Variants in USP10 observed in about 807,000 individuals in gnomAD.
The protein encoded by USP10 is ubiquitin specific peptidase 10, also known as ubiquitin carboxyl-terminal hydrolase 10.
In USP10, 22 loss-of-function variants were observed where a neutral mutation model predicts 84.5. That is an observed-to-expected ratio of 0.26 (90% CI 0.19 to 0.37). The LOEUF is 0.37. Ranked by LOEUF, USP10 falls within the 10% of genes least tolerant of loss-of-function variation. The probability of loss-of-function intolerance (pLI) is 1.00; values close to 1 mark genes in which losing one functional copy is unlikely to be tolerated. For synonymous variants in USP10, 454 were observed against 387.6 expected, an observed-to-expected ratio of 1.17 and a Z score of -2.01; for missense variants, 1,019 against 998.9, an observed-to-expected ratio of 1.02 and a Z score of -0.27.
chr16:84,771,639 C>A (rs1445713160), intron 11 of USP10, among the ~76,000 whole-genome samples: 1 of 152,186 alleles, frequency 6.6e-6, no homozygotes, highest in East Asian at 1.9e-4. Context: ...GAGGCTGAGG[C>A]AGGTGGATCA....
chr16:84,718,211 G>GC (rs1907306016), intron 1 of USP10, among the ~76,000 whole-genome samples: 1 of 152,154 alleles, frequency 6.6e-6, no homozygotes, highest in Non-Finnish European at 1.5e-5. Context: ...AATTACAAAA[G>GC]AAATGTCTTT....
At chr16:84,751,531 C>T (rs918169923) in intron 4 of USP10, among the ~76,000 whole-genome samples, 2 of 152,206 alleles carry the variant, frequency 1.3e-5, no homozygotes, top group African/African-American at 4.8e-5. Flanking sequence ...TAGTCCACAT[C>T]TGATTCGATG....
intron 9 of USP10, among the ~76,000 whole-genome samples, chr16:84,763,618 C>T (rs1013784146): frequency 2.4e-4 from 36 of 152,224 alleles, no homozygotes; most frequent in African/African-American, 8.4e-4. Flanking sequence ...CTTCAAATTT[C>T]GCCAGTTGTC....
At chr16:84,756,419 C>T (rs562090616) in intron 4 of USP10, among the ~76,000 whole-genome samples, 1 of 152,108 alleles carries the variant, frequency 6.6e-6, no homozygotes, top group Admixed American at 6.5e-5. Flanking sequence ...ATGGTGAAAT[C>T]CTGTCTCTCC....
chr16:84,705,020 G>A (rs1247755747), intron 1 of USP10, among the ~76,000 whole-genome samples: 2 of 152,226 alleles, frequency 1.3e-5, no homozygotes, highest in African/African-American at 4.8e-5. Context: ...GCTCCTAAGA[G>A]TCCTCAGTCT....
rs775216968 is a variant in USP10 at position 84,745,463 on chromosome 16, G to A, written c.982G>A (p.Gly328Ser). Residue 328 changes from glycine to serine, a missense_variant, in exon 4 of 14, where the codon GGC becomes AGC. This residue lies in a region of USP10 where 787 missense variants were observed against 708.8 expected (regional missense o/e 1.11). Transcript: ENST00000219473. ...TGCATCACCTCCTGCTGACGGCACG[G>A]GCTCTGCATCAGGCACCCTTCCTGT... ...ESASPPADGT[G>S]SASGTLPVSQ... The A allele has an allele frequency of 6.2e-7, 1 of 1,613,510 alleles. No homozygotes were observed. The highest frequency in any genetic ancestry group is 8.5e-7 in the Non-Finnish European group (1 of 1,179,642).
At chr16:84,755,671 A>G (rs1057371207) in intron 4 of USP10, among the ~76,000 whole-genome samples, 1 of 151,932 alleles carries the variant, frequency 6.6e-6, no homozygotes, top group East Asian at 1.9e-4. Flanking sequence ...GGTGGCACAC[A>G]TCTGTAGTCC....
At chr16:84,731,774 C>G (rs1047867858) in intron 1 of USP10, among the ~76,000 whole-genome samples, 4 of 138,826 alleles carry the variant, frequency 2.9e-5, no homozygotes, top group Admixed American at 1.4e-4. Flanking sequence ...TCTCTGATAG[C>G]TCTTTTTTTT....
At chr16:84,767,126 C>A (rs1913951576) in intron 10 of USP10, among the ~76,000 whole-genome samples, 1 of 151,998 alleles carries the variant, frequency 6.6e-6, no homozygotes, top group South Asian at 2.1e-4. Flanking sequence ...CGTAATTAAA[C>A]CCTGGACAGA....
At chr16:84,718,117 A>G (rs1907292700) in intron 1 of USP10, among the ~76,000 whole-genome samples, 1 of 152,202 alleles carries the variant, frequency 6.6e-6, no homozygotes, top group East Asian at 1.9e-4. Flanking sequence ...AAAATCTTGG[A>G]TTGGAAGGTT....
intron 3 of USP10, among the ~76,000 whole-genome samples, chr16:84,743,437 TA>T (rs1453559404): frequency 6.6e-6 from 1 of 152,178 alleles, no homozygotes; most frequent in Non-Finnish European, 1.5e-5. Context: ...TCAGCGTCTG[TA>T]TTTTTTCTTC....
At chr16:84,729,306 C>A (rs961631870) in intron 1 of USP10, among the ~76,000 whole-genome samples, 2 of 152,282 alleles carry the variant, frequency 1.3e-5, no homozygotes, top group African/African-American at 4.8e-5. Flanking sequence ...TATCGTTTTT[C>A]AAAATGTGCA....
At chr16:84,711,719 C>CT (rs10706586) in intron 1 of USP10, among the ~76,000 whole-genome samples, 3,332 of 114,156 alleles carry the variant, frequency 0.029, 257 homozygotes, top group African/African-American at 0.11. Context: ...GAAGGGCTAG[C>CT]TTTTTTTTTT....
At chr16:84,756,614 T>C (rs182457199) in intron 4 of USP10, among the ~76,000 whole-genome samples, 1 of 152,168 alleles carries the variant, frequency 6.6e-6, no homozygotes, top group East Asian at 1.9e-4. Context: ...GTTTCTATGT[T>C]AGAAAGATAG....
intron 2 of USP10, among the ~76,000 whole-genome samples, chr16:84,734,989 AACACC>A (rs1371352937): frequency 6.6e-6 from 1 of 152,042 alleles, no homozygotes; most frequent in African/African-American, 2.4e-5. Context: ...TCTCTGTATA[AACACC>A]ACACGTTTTA....
chr16:84,705,873 C>G (rs542303959), intron 1 of USP10, among the ~76,000 whole-genome samples: 1 of 151,984 alleles, frequency 6.6e-6, no homozygotes, highest in Non-Finnish European at 1.5e-5. Flanking sequence ...GTGCCTGCTA[C>G]CACGCCCAGC....
chr16:84,744,532 A>T, intron 3 of USP10, 101 bp from the exon 4 acceptor site: 1 of 1,112,500 alleles, frequency 9.0e-7, no homozygotes, highest in Non-Finnish European at 1.3e-6. Flanking sequence ...TTGATTAGGA[A>T]GAGAACTTAA....
chr16:84,771,126 TA>T (rs1258848790), intron 11 of USP10, among the ~76,000 whole-genome samples: 1 of 151,844 alleles, frequency 6.6e-6, no homozygotes, highest in Non-Finnish European at 1.5e-5. Context: ...CAGAGAATGA[TA>T]AAGGGATTGT....
chr16:84,761,526 C>G (rs745726700), intron 8 of USP10, among the ~76,000 whole-genome samples: 5 of 152,220 alleles, frequency 3.3e-5, no homozygotes, highest in Non-Finnish European at 5.9e-5. Flanking sequence ...AGACTCCTCT[C>G]CCAGTGGGGC....
Sources: allele counts gnomAD v4.1 joint callset (sites outside exome capture counted in the v4.1 genomes callset), GRCh38; gene constraint gnomAD v4.1.1; regional missense constraint gnomAD v4.1.1; transcripts MANE v1.5; gene names NCBI Gene and HGNC (gene_info 2026-07-23, HGNC 2026-07-21).